Variants in PLPPR1 observed in about 807,000 individuals in gnomAD.
PLPPR1 encodes the protein phospholipid phosphatase related 1, also known as phospholipid phosphatase-related protein type 1.
In PLPPR1, 10 loss-of-function variants were observed where a neutral mutation model predicts 33.1. That is an observed-to-expected ratio of 0.30 (90% CI 0.19 to 0.51). The LOEUF is 0.51. Among genes scored for constraint, PLPPR1 ranks in the 20% least tolerant of loss-of-function variants. The pLI is 0.97. For missense variants in PLPPR1, 304 were observed against 408.1 expected, an observed-to-expected ratio of 0.74 and a Z score of 2.20; for synonymous variants, 151 against 151.0, an observed-to-expected ratio of 1.00 and a Z score of 0.00.
intron 2 of PLPPR1, among the ~76,000 whole-genome samples, chr9:101,259,430 T>C (rs1265103234): frequency 6.6e-6 from 1 of 152,138 alleles, no homozygotes; most frequent in Non-Finnish European, 1.5e-5. Context: ...TGGGCTGCAA[T>C]AGCAAATTGT....
intron 1 of PLPPR1, among the ~76,000 whole-genome samples, chr9:101,040,421 G>A (rs1193900933): frequency 6.6e-6 from 1 of 151,886 alleles, no homozygotes; most frequent in African/African-American, 2.4e-5. Context: ...TTGGCATCAG[G>A]GCTCCATTTC....
In PLPPR1 at chr9:101,313,023, A is replaced by C. The variant is rs139126130; in HGVS notation, c.813+49A>C. The C allele has an allele frequency of 5.3e-4, 835 of 1,561,734 alleles. 7 individuals are homozygous for C. The African/African-American group carries it at 9.5e-3, about 18-fold the overall frequency. On this transcript the variant is annotated intron_variant, in intron 6 of 7. Coordinates refer to ENST00000374874, the MANE Select transcript of PLPPR1 (RefSeq NM_207299.2). ...CCTTTTCCCCCTCTTCTACTCTCTG[A>C]AAAACTGTGAGTCAGGTTTCCCAGA...
chr9:101,300,551 A>G (rs1828733774), intron 4 of PLPPR1, among the ~76,000 whole-genome samples: 1 of 152,212 alleles, frequency 6.6e-6, no homozygotes, highest in South Asian at 2.1e-4. Flanking sequence ...GTATCTGTAA[A>G]TCACCAACAG....
chr9:101,111,630 T>G (rs1831058671), intron 1 of PLPPR1, among the ~76,000 whole-genome samples: 2 of 152,218 alleles, frequency 1.3e-5, no homozygotes, highest in Admixed American at 1.3e-4. Flanking sequence ...TAAATAGATT[T>G]ATTTATTTTG....
intron 1 of PLPPR1, among the ~76,000 whole-genome samples, chr9:101,080,919 T>C (rs1356399828): frequency 3.3e-5 from 5 of 152,208 alleles, no homozygotes; most frequent in Non-Finnish European, 7.3e-5. Context: ...TTCCTGTGTT[T>C]AGCCGTATCA....
chr9:101,054,899 C>G (rs1830263528), intron 1 of PLPPR1, among the ~76,000 whole-genome samples: 1 of 152,158 alleles, frequency 6.6e-6, no homozygotes, highest in Non-Finnish European at 1.5e-5. Context: ...TACGGAGAGC[C>G]CCCGGCCCTG....
At position 101,168,459 on chromosome 9, in the gene PLPPR1, A is replaced by G. The variant is rs192829353; in HGVS notation, c.-45-16991A>G. ...CTCCTTCCTCCTGGGCCTCTTCATA[A>G]CTAACCTGTCCTCACAGACCTAGCT... On this transcript the variant is annotated intron_variant, in intron 1 of 7. Coordinates refer to ENST00000374874, the MANE Select transcript of PLPPR1 (RefSeq NM_207299.2). 3.1e-3 allele frequency among the ~76,000 whole-genome samples: 478 copies of G among 152,242 alleles called. 1 individual carries two copies. Among genetic ancestry groups the G allele is most frequent in the Middle Eastern group, 0.01 (3 of 294 alleles).
intron 1 of PLPPR1, among the ~76,000 whole-genome samples, chr9:101,170,969 A>G (rs905764726): frequency 1.3e-5 from 2 of 152,106 alleles, no homozygotes; most frequent in South Asian, 2.1e-4. Flanking sequence ...ATGGCATTTA[A>G]TTGCAGATCT....
chr9:101,223,544 G>A (rs1826997958), intron 2 of PLPPR1, among the ~76,000 whole-genome samples: 1 of 152,094 alleles, frequency 6.6e-6, no homozygotes, highest in African/African-American at 2.4e-5. Context: ...ATCCCCATAA[G>A]CCCCATGTGT....
Position 101,268,601 on chromosome 9 carries a change from T to C in PLPPR1, c.64-1279T>C, listed in dbSNP as rs181997948. Among the ~76,000 whole-genome samples the C allele has an allele frequency of 4.3e-3, 659 of 152,358 alleles. 2 individuals carry two copies. Among genetic ancestry groups the C allele is most frequent in the Middle Eastern group, 0.014 (4 of 294 alleles). ...CTACAGATCAGGAAATGTGGGTTTCTAGTCCTGGCTTTCACACTAACCAGC... is the reference window on the plus strand; with the variant it reads ...CTACAGATCAGGAAATGTGGGTTTCCAGTCCTGGCTTTCACACTAACCAGC... On this transcript the variant is annotated intron_variant, in intron 2 of 7. Transcript: ENST00000374874.
At chr9:101,108,155 G>T (rs970052769) in intron 1 of PLPPR1, among the ~76,000 whole-genome samples, 1 of 146,670 alleles carries the variant, frequency 6.8e-6, no homozygotes, top group Non-Finnish European at 1.5e-5. Flanking sequence ...GTTCCTATTC[G>T]GCCATCTTGG....
intron 1 of PLPPR1, among the ~76,000 whole-genome samples, chr9:101,094,876 T>C (rs16919832): frequency 0.029 from 4,414 of 152,228 alleles, 175 homozygotes; most frequent in South Asian, 0.18. Context: ...TGACCTCCCA[T>C]GGGGCTTCAG....
intron 1 of PLPPR1, among the ~76,000 whole-genome samples, chr9:101,114,647 T>C (rs943427618): frequency 6.6e-6 from 1 of 152,126 alleles, no homozygotes; most frequent in African/African-American, 2.4e-5. Flanking sequence ...CACAGCACAG[T>C]GTAATTAAGG....
intron 5 of PLPPR1, among the ~76,000 whole-genome samples, chr9:101,310,986 T>TA (rs933651430): frequency 1.6e-4 from 24 of 152,010 alleles, no homozygotes; most frequent in Non-Finnish European, 2.2e-4. Context: ...GTATTTTTTT[T>TA]AAACAAATAA....
rs1830874226 is a variant in PLPPR1, at chr9:101,099,879, G to T, written c.-46+70777G>T. Among the ~76,000 whole-genome samples, 3 of 152,048 alleles carry T rather than the reference G, an allele frequency of 2.0e-5. No homozygotes were observed. In the East Asian group the frequency reaches 5.8e-4, roughly 29 times the overall value. Reference sequence around the variant, plus strand: ...CTCTTCTCCCCTTGAAGCAGTGAAGGAGTCTGTGCTGTATAGAACTGAAAG... The same window carrying T: ...CTCTTCTCCCCTTGAAGCAGTGAAGTAGTCTGTGCTGTATAGAACTGAAAG... On this transcript the variant is annotated intron_variant, in intron 1 of 7. Coordinates refer to ENST00000374874, the MANE Select transcript of PLPPR1 (RefSeq NM_207299.2).
chr9:101,029,306 G>T (rs1311751663), intron 1 of PLPPR1, among the ~76,000 whole-genome samples: 1 of 152,330 alleles, frequency 6.6e-6, no homozygotes, highest in South Asian at 2.1e-4. Context: ...CGAGGTGTCA[G>T]ATTGACCCAG....
intron 5 of PLPPR1, 76 bp from the exon 6 acceptor site, chr9:101,312,722 G>A: frequency 8.1e-7 from 1 of 1,233,202 alleles, no homozygotes; most frequent in South Asian, 1.3e-5. Flanking sequence ...GCTGGTGTAT[G>A]TACCTGCTTG....
chr9:101,132,329 C>G (rs1024714083), intron 1 of PLPPR1, among the ~76,000 whole-genome samples: 1 of 151,880 alleles, frequency 6.6e-6, no homozygotes, highest in African/African-American at 2.4e-5. Flanking sequence ...AAATTCAGTG[C>G]TAAAAAGAAA....
At chr9:101,218,213 T>C (rs1321200802) in intron 2 of PLPPR1, among the ~76,000 whole-genome samples, 1 of 152,120 alleles carries the variant, frequency 6.6e-6, no homozygotes, top group Non-Finnish European at 1.5e-5. Context: ...ATGATCCACA[T>C]TGGGAATATG....
Sources: allele counts gnomAD v4.1 joint callset (sites outside exome capture counted in the v4.1 genomes callset), GRCh38; gene constraint gnomAD v4.1.1; transcripts MANE v1.5; gene names NCBI Gene and HGNC (gene_info 2026-07-23, HGNC 2026-07-21).